IGSF21: variants seen among roughly 807,000 people sequenced by gnomAD.
The protein encoded by IGSF21 is immunoglobin superfamily member 21.
Under a neutral mutation model 46.8 loss-of-function variants are expected in IGSF21, and 28 were observed. That is an observed-to-expected ratio of 0.60 (90% CI 0.44 to 0.82). The LOEUF (loss-of-function observed/expected upper bound fraction) is 0.82, where lower values mean the gene tolerates loss of function less well. Ranked by LOEUF, IGSF21 falls within the 40% of genes least tolerant of loss-of-function variation. The probability of loss-of-function intolerance (pLI) is 0.00; values close to 1 mark genes in which losing one functional copy is unlikely to be tolerated. For synonymous variants in IGSF21, 284 were observed against 273.6 expected (o/e 1.04, Z -0.38); for missense variants, 624 against 665.5 (o/e 0.94, Z 0.69).
chr1:18,365,544 C>T lies in IGSF21; in HGVS notation c.862C>T (p.Arg288Cys), dbSNP rs752370692. Residue 288 changes from arginine (R) to cysteine (C), a missense_variant, in exon 6 of 10, where the codon CGC (arginine) becomes TGC (cysteine). Transcript: ENST00000251296. This position sits in a 1 kb window ranked among gnomAD's most constrained non-coding sequence, Gnocchi z 4.8. ...CAGCGCCGAGCCCACCTACTTCCTG[C>T]GCCACAGCCGCACCCCGAGCAGTGA... ...VHSAEPTYFLRHSRTPSSDGT... is the reference protein window; with the variant it reads ...VHSAEPTYFLCHSRTPSSDGT... The T allele has an allele frequency of 1.4e-5, 23 of 1,614,020 alleles. No individual in the cohort carries two copies. In the Middle Eastern group the frequency reaches 6.6e-4, roughly 46 times the overall value.
intron 1 of IGSF21, among the ~76,000 whole-genome samples, chr1:18,214,395 C>T (rs757325435): frequency 6.6e-6 from 1 of 152,098 alleles, no homozygotes; most frequent in Non-Finnish European, 1.5e-5. Flanking sequence ...TGAGATGCTC[C>T]CCCTCTGATG....
At chr1:18,375,046 C>G (rs1299670636) in intron 6 of IGSF21, among the ~76,000 whole-genome samples, 1 of 152,172 alleles carries the variant, frequency 6.6e-6, no homozygotes, top group African/African-American at 2.4e-5. Context: ...CACAGCTCAG[C>G]TTAAATGTCA....
At chr1:18,248,554 G>T (rs2084805880) in intron 2 of IGSF21, among the ~76,000 whole-genome samples, 1 of 152,124 alleles carries the variant, frequency 6.6e-6, no homozygotes, top group East Asian at 1.9e-4. Context: ...CCTTCTTGGG[G>T]CCTTGAGAGA....
chr1:18,307,949 G>T (rs1324307780), intron 3 of IGSF21, among the ~76,000 whole-genome samples: 1 of 152,258 alleles, frequency 6.6e-6, no homozygotes, highest in Non-Finnish European at 1.5e-5. Context: ...TGGAACAATT[G>T]TCACATCATA....
chr1:18,374,011 T>C (rs554343722), intron 6 of IGSF21, among the ~76,000 whole-genome samples: 5 of 152,140 alleles, frequency 3.3e-5, no homozygotes, highest in South Asian at 2.1e-4. Flanking sequence ...GAATCTAACC[T>C]AGAAGGGAAA....
intron 3 of IGSF21, among the ~76,000 whole-genome samples, chr1:18,307,365 A>G (rs2085436771): frequency 6.6e-6 from 1 of 152,228 alleles, no homozygotes; most frequent in African/African-American, 2.4e-5. Context: ...CAGTGCTCAC[A>G]GTAATGTTTA....
chr1:18,306,707 G>A (rs1049577361), intron 3 of IGSF21, among the ~76,000 whole-genome samples: 6 of 152,200 alleles, frequency 3.9e-5, no homozygotes, highest in African/African-American at 1.4e-4. Context: ...AGAGAGGCCT[G>A]GGTTCTAGTC....
intron 1 of IGSF21, among the ~76,000 whole-genome samples, chr1:18,197,415 A>G (rs2087020627): frequency 6.6e-6 from 1 of 152,216 alleles, no homozygotes; most frequent in Non-Finnish European, 1.5e-5. Flanking sequence ...GTGACCTTGG[A>G]TAAGTTACTT....
intron 1 of IGSF21, among the ~76,000 whole-genome samples, chr1:18,188,161 T>C (rs1210375508): frequency 6.6e-6 from 1 of 152,068 alleles, no homozygotes; most frequent in African/African-American, 2.4e-5. Flanking sequence ...ATATTTTGAC[T>C]TTTTCTGAAA....
At chr1:18,357,614 G>A (rs1172695497) in intron 4 of IGSF21, among the ~76,000 whole-genome samples, 1 of 152,108 alleles carries the variant, frequency 6.6e-6, no homozygotes, top group Non-Finnish European at 1.5e-5. Flanking sequence ...ATTGGGCTAT[G>A]CAGGCAGGAA....
chr1:18,359,369 A>AG (rs1557659543), intron 4 of IGSF21, among the ~76,000 whole-genome samples: 18 of 111,030 alleles, frequency 1.6e-4, no homozygotes, highest in African/African-American at 5.6e-4. Flanking sequence ...AAAGAAAGAA[A>AG]GAAAGAAAGA....
intron 1 of IGSF21, among the ~76,000 whole-genome samples, chr1:18,159,341 A>G (rs1285320211): frequency 6.6e-6 from 1 of 152,198 alleles, no homozygotes; most frequent in Non-Finnish European, 1.5e-5. Flanking sequence ...GTTAGAATCA[A>G]TGGGCCCTTC....
rs143902954 is a variant in IGSF21 at position 18,246,850 on chromosome 1, A to C, written c.183+18840A>C. Among the ~76,000 whole-genome samples the C allele has an allele frequency of 2.0e-5, 3 of 152,176 alleles. No individual in the cohort carries two copies. The East Asian group carries it at 5.8e-4, about 30-fold the overall frequency. On this transcript the variant is annotated intron_variant, in intron 2 of 9. Transcript: ENST00000251296. ...TGGCAGACTCTGTGAAGCTCAACAC[A>C]TCTGAGTTTGGAAGCTGCTTTGGAC...
intron 1 of IGSF21, among the ~76,000 whole-genome samples, chr1:18,143,725 C>G (rs2086439278): frequency 6.6e-6 from 1 of 152,178 alleles, no homozygotes; most frequent in Admixed American, 6.5e-5. Context: ...CCTCTGCACA[C>G]AGGTGACCTG....
Position 18,108,070 on chromosome 1 carries a change from A to C in IGSF21, c.-59A>C. 1 of 802,736 alleles carries C rather than the reference A, an allele frequency of 1.2e-6. No homozygotes were observed. Among genetic ancestry groups the C allele is most frequent in the Non-Finnish European group, 1.8e-6 (1 of 564,416 alleles). The allele number at this position is 802,736 out of a possible 1,614,324, so 49.7% of individuals were successfully genotyped here. On this transcript the variant is annotated 5_prime_UTR_variant, in exon 1 of 10. Transcript: ENST00000251296. Reference sequence around the variant, plus strand: ...GCGCGTCTGAGCCCATGGCGAGGGGACCCGCCGCCACCGCCTCCACCCCCG... The same window carrying C: ...GCGCGTCTGAGCCCATGGCGAGGGGCCCCGCCGCCACCGCCTCCACCCCCG...
At chr1:18,235,818 G>A (rs2084667634) in intron 2 of IGSF21, among the ~76,000 whole-genome samples, 1 of 152,176 alleles carries the variant, frequency 6.6e-6, no homozygotes, top group Admixed American at 6.5e-5. Context: ...GTTTGCAGAG[G>A]AGGTGAGAAA....
At chr1:18,346,823 G>A (rs996936370) in intron 4 of IGSF21, among the ~76,000 whole-genome samples, 1 of 152,206 alleles carries the variant, frequency 6.6e-6, no homozygotes, top group Non-Finnish European at 1.5e-5. Flanking sequence ...GCTGGCTGGA[G>A]TGGGGGCTGC....
chr1:18,259,154 T>C (rs1440536506), intron 2 of IGSF21, among the ~76,000 whole-genome samples: 1 of 152,224 alleles, frequency 6.6e-6, no homozygotes, highest in Non-Finnish European at 1.5e-5. Context: ...CCCTCGGGGC[T>C]GAGCCACATG....
intron 1 of IGSF21, among the ~76,000 whole-genome samples, chr1:18,120,052 G>A (rs1043779093): frequency 1.3e-5 from 2 of 152,216 alleles, no homozygotes; most frequent in Admixed American, 6.5e-5. Context: ...TCTGTGATCC[G>A]GGGAACAAGT....
Sources: gnomAD v4.1 joint callset for allele counts (sites outside exome capture counted in the v4.1 genomes callset) on GRCh38, gnomAD v4.1.1 for gene constraint, Gnocchi (gnomAD v3.1) non-coding constraint, MANE v1.5 for transcripts, NCBI Gene and HGNC (gene_info 2026-07-23, HGNC 2026-07-21) for gene names.